The following PPP3CC variants were observed in gnomAD, a reference collection of about 807,000 sequenced individuals.
The protein encoded by PPP3CC is serine/threonine-protein phosphatase 2B catalytic subunit gamma isoform.
PPP3CC carries 35 observed loss-of-function variants against 60.3 expected under a neutral mutation model. That is an observed-to-expected ratio of 0.58 (90% CI 0.44 to 0.77). The LOEUF is 0.77. Among genes scored for constraint, PPP3CC ranks in the 30% least tolerant of loss-of-function variants. PPP3CC has a pLI of 0.00. For missense variants in PPP3CC, 570 were observed against 628.9 expected, an observed-to-expected ratio of 0.91 and a Z score of 1.00; for synonymous variants, 206 against 224.3, an observed-to-expected ratio of 0.92 and a Z score of 0.73.
chr8:22,540,224 T>G (rs1839930073), intron 13 of PPP3CC, among the ~76,000 whole-genome samples: 1 of 152,194 alleles, frequency 6.6e-6, no homozygotes, highest in Non-Finnish European at 1.5e-5. Flanking sequence ...GCAACTACCC[T>G]GGGTTTAACT....
At chr8:22,449,371 C>G (rs1019951743) in intron 1 of PPP3CC, among the ~76,000 whole-genome samples, 9 of 146,264 alleles carry the variant, frequency 6.2e-5, no homozygotes, top group African/African-American at 2.3e-4. Flanking sequence ...ATCACCTGAG[C>G]CAGGAGGTGG....
chr8:22,463,167 A>G (rs1837413717), intron 1 of PPP3CC, among the ~76,000 whole-genome samples: 1 of 152,224 alleles, frequency 6.6e-6, no homozygotes, highest in African/African-American at 2.4e-5. Context: ...AAAGGACAAA[A>G]TCATGCAAGT....
chr8:22,444,024 C>G (rs914623806), intron 1 of PPP3CC, among the ~76,000 whole-genome samples: 1 of 152,132 alleles, frequency 6.6e-6, no homozygotes, highest in African/African-American at 2.4e-5. Flanking sequence ...TCTATTTGAG[C>G]AAATTTTGGA....
intron 1 of PPP3CC, among the ~76,000 whole-genome samples, chr8:22,455,273 C>G (rs1301042043): frequency 6.6e-6 from 1 of 152,060 alleles, no homozygotes. Context: ...ATATAATAGC[C>G]TCTCAAAAAT....
chr8:22,460,555 C>T (rs1254268923), intron 1 of PPP3CC, among the ~76,000 whole-genome samples: 3 of 151,886 alleles, frequency 2.0e-5, no homozygotes, highest in Non-Finnish European at 4.4e-5. Flanking sequence ...TGCAATGGCT[C>T]ACATCTGTAA....
At chr8:22,474,690 G>A (rs1435953182) in intron 1 of PPP3CC, among the ~76,000 whole-genome samples, 1 of 152,098 alleles carries the variant, frequency 6.6e-6, no homozygotes, top group Non-Finnish European at 1.5e-5. Context: ...GGTTGACAGA[G>A]CAAGCCTCCA....
intron 1 of PPP3CC, among the ~76,000 whole-genome samples, chr8:22,448,221 A>G (rs554279224): frequency 1.3e-5 from 2 of 152,346 alleles, no homozygotes; most frequent in Non-Finnish European, 2.9e-5. Context: ...CAAAAAGGGC[A>G]GGAAGACTGT....
chr8:22,468,996 C>G (rs1382589666), intron 1 of PPP3CC, among the ~76,000 whole-genome samples: 1 of 152,114 alleles, frequency 6.6e-6, no homozygotes, highest in Non-Finnish European at 1.5e-5. Flanking sequence ...ATCCAGCAAT[C>G]GCACTACTGA....
intron 1 of PPP3CC, among the ~76,000 whole-genome samples, chr8:22,459,489 A>G (rs1837304874): frequency 6.6e-6 from 1 of 151,818 alleles, no homozygotes. Flanking sequence ...AAAGAGATAA[A>G]CTTATAGGTG....
Position 22,475,596 on chromosome 8 carries a change from A to C in PPP3CC, c.344A>C (p.Tyr115Ser). 4 of 1,613,400 alleles carry C rather than the reference A, an allele frequency of 2.5e-6. No individual in the cohort carries two copies. The highest frequency in any genetic ancestry group is 3.4e-6 in the Non-Finnish European group (4 of 1,179,470). The change falls in exon 3 of 14, where the codon TAT becomes TCT. Residue 115 changes from tyrosine (Y) to serine (S), a missense_variant. Transcript: ENST00000240139. ...ACACGCTACCTCTTTCTGGGTGACTATGTGGACAGAGGCTATTTCAGTATA... is the reference window on the plus strand; with the variant it reads ...ACACGCTACCTCTTTCTGGGTGACTCTGTGGACAGAGGCTATTTCAGTATA... ...SNTRYLFLGDYVDRGYFSIEC... is the reference protein window; with the variant it reads ...SNTRYLFLGDSVDRGYFSIEC...
intron 1 of PPP3CC, among the ~76,000 whole-genome samples, chr8:22,444,830 A>C (rs1245936589): frequency 6.6e-6 from 1 of 152,206 alleles, no homozygotes; most frequent in African/African-American, 2.4e-5. Context: ...CAAATGATTA[A>C]ATTGTGATAT....
chr8:22,533,053 C>G, intron 12 of PPP3CC, 35 bp downstream of exon 12: 1 of 1,442,988 alleles, frequency 6.9e-7, no homozygotes, highest in Non-Finnish European at 9.4e-7. Context: ...GGAAGGTGTG[C>G]TCCCGTTACC....
intron 3 of PPP3CC, among the ~76,000 whole-genome samples, chr8:22,493,355 A>G (rs181030300): frequency 2.1e-4 from 32 of 152,044 alleles, no homozygotes; most frequent in South Asian, 2.1e-4. Context: ...AAAGGTTAAT[A>G]AAGTTCTTTG....
intron 9 of PPP3CC, among the ~76,000 whole-genome samples, chr8:22,527,917 G>C (rs1295103240): frequency 6.6e-6 from 1 of 152,144 alleles, no homozygotes; most frequent in Non-Finnish European, 1.5e-5. Context: ...TTACAGGTGT[G>C]AGCCACCGTG....
chr8:22,470,143 G>A (rs1191434950), intron 1 of PPP3CC, among the ~76,000 whole-genome samples: 1 of 149,658 alleles, frequency 6.7e-6, no homozygotes, highest in African/African-American at 2.5e-5. Context: ...TTTTTTAGAG[G>A]CAGAATCTCA....
At chr8:22,485,999 T>C (rs1240393663) in intron 3 of PPP3CC, among the ~76,000 whole-genome samples, 1 of 152,180 alleles carries the variant, frequency 6.6e-6, no homozygotes, top group Non-Finnish European at 1.5e-5. Context: ...TCGGCAGACA[T>C]GCTTGCAGAG....
At chr8:22,531,888 GCTTT>G (rs1193944805) in intron 10 of PPP3CC, among the ~76,000 whole-genome samples, 1 of 152,210 alleles carries the variant, frequency 6.6e-6, no homozygotes, top group Non-Finnish European at 1.5e-5. Context: ...TGCTGTAGCA[GCTTT>G]CTTTGTGAGG....
intron 1 of PPP3CC, among the ~76,000 whole-genome samples, chr8:22,454,234 G>A (rs1837122641): frequency 1.3e-5 from 2 of 151,748 alleles, no homozygotes; most frequent in South Asian, 4.1e-4. Context: ...AAACTTTTTT[G>A]TTAAAAATGA....
At chr8:22,532,468 C>A (rs970931107) in intron 11 of PPP3CC, among the ~76,000 whole-genome samples, 162 bp downstream of exon 11, 7 of 152,160 alleles carry the variant, frequency 4.6e-5, no homozygotes, top group African/African-American at 1.7e-4. Flanking sequence ...TAAAAATGTT[C>A]CAGCAAACAT....
Sources: allele counts gnomAD v4.1 joint callset (sites outside exome capture counted in the v4.1 genomes callset), GRCh38; gene constraint gnomAD v4.1.1; transcripts MANE v1.5; gene names NCBI Gene and HGNC (gene_info 2026-07-23, HGNC 2026-07-21).